VEPH1: variants seen among roughly 807,000 people sequenced by gnomAD.
VEPH1 encodes the protein ventricular zone expressed PH domain containing 1.
In VEPH1, 80 loss-of-function variants were observed where a neutral mutation model predicts 85.2. The ratio of observed to expected loss-of-function variants is 0.94; its 90% CI spans 0.78 to 1.13. The LOEUF (loss-of-function observed/expected upper bound fraction) is 1.13, where lower values mean the gene tolerates loss of function less well. VEPH1 is among the 50% of genes most tolerant of loss of function. The pLI, the probability that VEPH1 is intolerant of heterozygous loss-of-function variation, is 0.00. For missense variants in VEPH1, 955 were observed against 980.5 expected (o/e 0.97, Z 0.35); for synonymous variants, 297 against 348.0 (o/e 0.85, Z 1.63).
intron 3 of VEPH1, among the ~76,000 whole-genome samples, chr3:157,461,774 T>C (rs1221535705): frequency 6.6e-6 from 1 of 151,972 alleles, no homozygotes; most frequent in Non-Finnish European, 1.5e-5. Flanking sequence ...CTAAAATCAA[T>C]TTCAGATAGA....
intron 4 of VEPH1, chr3:157,436,736 C>T: frequency 2.4e-6 from 1 of 417,134 alleles, no homozygotes; most frequent in South Asian, 2.6e-5. Context: ...ACCCAGCCCC[C>T]TCCCCCACCA....
intron 6 of VEPH1, among the ~76,000 whole-genome samples, chr3:157,395,366 A>G (rs902254131): frequency 2.0e-5 from 3 of 152,200 alleles, no homozygotes; most frequent in African/African-American, 7.2e-5. Context: ...TAGAGGGCTC[A>G]TTGCTGGTCT....
intron 1 of VEPH1, among the ~76,000 whole-genome samples, 163 bp from the exon 2 acceptor site, chr3:157,495,669 G>C (rs1739608918): frequency 6.6e-6 from 1 of 152,134 alleles, no homozygotes; most frequent in Non-Finnish European, 1.5e-5. Flanking sequence ...CTCTTTCCTT[G>C]TTTTTGTCTC....
At chr3:157,371,317 C>A (rs1297639979) in intron 7 of VEPH1, among the ~76,000 whole-genome samples, 12 of 152,078 alleles carry the variant, frequency 7.9e-5, no homozygotes, top group African/African-American at 2.2e-4. Context: ...ACAGAATTTC[C>A]TGAAATTAGA....
chr3:157,264,111 C>G (rs1298478786), intron 13 of VEPH1, among the ~76,000 whole-genome samples: 5 of 152,226 alleles, frequency 3.3e-5, no homozygotes, highest in Non-Finnish European at 5.9e-5. Context: ...TATTGGGGAC[C>G]TGGATAGAAT....
intron 2 of VEPH1, chr3:157,493,281 C>T: frequency 2.2e-6 from 1 of 456,274 alleles, no homozygotes; most frequent in African/African-American, 2.0e-5. Flanking sequence ...CGATCCCTTC[C>T]TGTTCTACGT....
intron 12 of VEPH1, among the ~76,000 whole-genome samples, chr3:157,278,786 T>C (rs1346649190): frequency 6.6e-6 from 1 of 152,202 alleles, no homozygotes; most frequent in African/African-American, 2.4e-5. Flanking sequence ...AGTGGGCCTC[T>C]GGTTGGTACA....
intron 6 of VEPH1, among the ~76,000 whole-genome samples, chr3:157,405,915 A>G (rs1306438577): frequency 6.6e-6 from 1 of 152,158 alleles, no homozygotes; most frequent in African/African-American, 2.4e-5. Flanking sequence ...TCTTACAGTT[A>G]GAAAGAATCA....
intron 12 of VEPH1, among the ~76,000 whole-genome samples, chr3:157,266,534 C>G (rs1486723849): frequency 6.6e-6 from 1 of 152,186 alleles, no homozygotes; most frequent in Non-Finnish European, 1.5e-5. Flanking sequence ...CAGTTGAAAG[C>G]TCCACAAGGG....
At chr3:157,264,246 C>G (rs547678444) in intron 13 of VEPH1, among the ~76,000 whole-genome samples, 1 of 152,330 alleles carries the variant, frequency 6.6e-6, no homozygotes, top group East Asian at 1.9e-4. Context: ...CATCCCTCCC[C>G]CCAGCTCACT....
At chr3:157,345,633 G>A (rs571383358) in intron 9 of VEPH1, among the ~76,000 whole-genome samples, 1 of 152,286 alleles carries the variant, frequency 6.6e-6, no homozygotes, top group South Asian at 2.1e-4. Context: ...GATTCCTCAA[G>A]GATCTAGAAC....
Position 157,367,027 on chromosome 3 carries a change from G to C in VEPH1, c.1128-2515C>G, listed in dbSNP as rs1460225282. Among the ~76,000 whole-genome samples, 23 of 152,164 alleles carry C rather than the reference G, an allele frequency of 1.5e-4. 2 individuals carry two copies. The highest frequency in any genetic ancestry group is 1.5e-3 in the Admixed American group (23 of 15,282). On this transcript the variant is annotated intron_variant, in intron 7 of 13. Coordinates refer to ENST00000362010, the MANE Select transcript of VEPH1 (RefSeq NM_001167912.2). ...CTGTAGGTCCAGCCCAGGGACAGCT[G>C]CTGATGATTCAAAGTGGGAACCAGC...
At chr3:157,494,165 C>T (rs1739458864) in intron 2 of VEPH1, among the ~76,000 whole-genome samples, 1 of 152,154 alleles carries the variant, frequency 6.6e-6, no homozygotes, top group South Asian at 2.1e-4. Flanking sequence ...TGGCAGCCAG[C>T]AAGAGAAAAT....
chr3:157,313,630 T>C lies in VEPH1; in HGVS notation c.2001A>G (p.Pro667=). Residue 667 remains proline, a synonymous_variant, in exon 11 of 14, where the codon CCA becomes CCG. Transcript: ENST00000362010. ...GGAAAGGAATATTTACCTTCTGCTG[T>C]GGAAACGTGGACTCCATCATGGCAG... The part of the protein sequence containing the change: ...FETAMMESTF[P]QQKDLDQVQL... 6.2e-7 allele frequency: 1 copy of C among 1,614,154 alleles called. No homozygotes were observed. Among genetic ancestry groups the C allele is most frequent in the Non-Finnish European group, 8.5e-7 (1 of 1,180,000 alleles).
intron 6 of VEPH1, among the ~76,000 whole-genome samples, chr3:157,404,613 AT>A (rs761796694): frequency 2.7e-4 from 41 of 152,140 alleles, no homozygotes; most frequent in Non-Finnish European, 5.1e-4. Context: ...GGGAGAGTTT[AT>A]TTCATTTGAG....
chr3:157,294,373 T>TAGC (rs1717873424), intron 11 of VEPH1, among the ~76,000 whole-genome samples: 1 of 152,248 alleles, frequency 6.6e-6, no homozygotes, highest in Admixed American at 6.5e-5. Flanking sequence ...GAAAAATACG[T>TAGC]AGCAATGTTT....
rs187019883 is a variant in VEPH1 at position 157,378,880 on chromosome 3, T to C, written c.1127+2276A>G. On this transcript the variant is annotated intron_variant, in intron 7 of 13. Transcript: ENST00000362010. Reference sequence around the variant, plus strand: ...CCTCTTCTTCTTACTCCACCTCCAATAGGTGATCACTTCCTCATAATTTTG... The same window carrying C: ...CCTCTTCTTCTTACTCCACCTCCAACAGGTGATCACTTCCTCATAATTTTG... Among the ~76,000 whole-genome samples, 31 of 152,286 alleles carry C rather than the reference T, an allele frequency of 2.0e-4. No individual in the cohort carries two copies. In the East Asian group the frequency reaches 3.5e-3, roughly 17 times the overall value.
At chr3:157,425,194 T>G (rs1009765766) in intron 5 of VEPH1, among the ~76,000 whole-genome samples, 1 of 152,200 alleles carries the variant, frequency 6.6e-6, no homozygotes, top group Admixed American at 6.5e-5. Context: ...GTGGTGTTGA[T>G]CCTGTGGGTG....
At chr3:157,397,461 G>T (rs1380750770) in intron 6 of VEPH1, among the ~76,000 whole-genome samples, 1 of 152,166 alleles carries the variant, frequency 6.6e-6, no homozygotes, top group Admixed American at 6.5e-5. Context: ...TTCTAATTCT[G>T]TGAAGAATGT....
Sources: allele counts gnomAD v4.1 joint callset (sites outside exome capture counted in the v4.1 genomes callset), GRCh38; gene constraint gnomAD v4.1.1; transcripts MANE v1.5; gene names NCBI Gene and HGNC (gene_info 2026-07-23, HGNC 2026-07-21).